Variants in GPBP1 observed in about 807,000 individuals in gnomAD.
GPBP1 encodes GC-rich promoter binding protein 1, also known as vasculin.
A neutral mutation model predicts 56.5 loss-of-function variants in GPBP1; 13 were observed. The observed-to-expected ratio is 0.23, with a 90% CI of 0.15 to 0.37. The LOEUF is 0.37. GPBP1 is among the 10% of genes least tolerant of loss of function. The pLI is 1.00. For synonymous variants in GPBP1, 204 were observed against 188.9 expected (o/e 1.08, Z -0.66); for missense variants, 477 against 572.3 (o/e 0.83, Z 1.70).
intron 2 of GPBP1, among the ~76,000 whole-genome samples, chr5:57,197,128 G>C (rs1359880535): frequency 6.6e-6 from 1 of 152,042 alleles, no homozygotes; most frequent in Non-Finnish European, 1.5e-5. Flanking sequence ...TGCCCAGGCT[G>C]ATCTTAAATT....
chr5:57,205,152 T>C (rs533326895), intron 2 of GPBP1, among the ~76,000 whole-genome samples: 6 of 152,326 alleles, frequency 3.9e-5, no homozygotes, highest in African/African-American at 1.4e-4. Context: ...TTGCTTTTTT[T>C]CTCTATGAAT....
intron 6 of GPBP1, among the ~76,000 whole-genome samples, chr5:57,239,544 G>T (rs1352285533): frequency 6.6e-6 from 1 of 151,646 alleles, no homozygotes; most frequent in Admixed American, 6.6e-5. Context: ...ACTCTGGGAG[G>T]CCAAGGTGGG....
intron 2 of GPBP1, among the ~76,000 whole-genome samples, chr5:57,186,984 C>T (rs1262500046): frequency 6.7e-6 from 1 of 149,112 alleles, no homozygotes; most frequent in Non-Finnish European, 1.5e-5. Context: ...TTATGTGTGT[C>T]TATTTCTGGA....
rs1755737123 is a variant in GPBP1 at position 57,217,276 on chromosome 5, C to T, written c.63+3083C>T. Among the ~76,000 whole-genome samples the T allele has an allele frequency of 1.1e-4, 17 of 152,018 alleles. 1 individual carries two copies. In the South Asian group the frequency reaches 3.5e-3, roughly 32 times the overall value. On this transcript the variant is annotated intron_variant, in intron 3 of 11. Coordinates refer to ENST00000506184, the MANE Select transcript of GPBP1 (RefSeq NM_022913.4). Reference sequence around the variant, plus strand: ...CCTCCAGCATGATCTAGTGTGTAAACATAAAACAACTACTGCCTGGGTGCG... The same window carrying T: ...CCTCCAGCATGATCTAGTGTGTAAATATAAAACAACTACTGCCTGGGTGCG...
chr5:57,246,837 A>G (rs1741112142), intron 7 of GPBP1, among the ~76,000 whole-genome samples: 1 of 152,222 alleles, frequency 6.6e-6, no homozygotes, highest in South Asian at 2.1e-4. Context: ...AAAGAAACCC[A>G]ACTTTATGTA....
intron 2 of GPBP1, among the ~76,000 whole-genome samples, chr5:57,188,574 A>T (rs1293043633): frequency 6.9e-6 from 1 of 145,592 alleles, no homozygotes; most frequent in East Asian, 2.0e-4. Flanking sequence ...GTCTCTACTT[A>T]AAAAAAAAAA....
chr5:57,252,242 C>T (rs931328774), intron 10 of GPBP1, among the ~76,000 whole-genome samples: 6 of 151,474 alleles, frequency 4.0e-5, no homozygotes, highest in African/African-American at 1.2e-4. Flanking sequence ...CACCACCATG[C>T]ACGGCTTCAG....
At chr5:57,260,344 G>T (rs1176685033) in intron 10 of GPBP1, among the ~76,000 whole-genome samples, 1 of 152,094 alleles carries the variant, frequency 6.6e-6, no homozygotes, top group Non-Finnish European at 1.5e-5. Context: ...TTATCTATTT[G>T]AAATTTCTTG....
intron 2 of GPBP1, among the ~76,000 whole-genome samples, chr5:57,205,855 C>G (rs976800997): frequency 6.6e-6 from 1 of 152,174 alleles, no homozygotes; most frequent in Non-Finnish European, 1.5e-5. Flanking sequence ...TACCCACCTC[C>G]TGGTCACAGG....
At chr5:57,205,866 C>A (rs1303425368) in intron 2 of GPBP1, among the ~76,000 whole-genome samples, 1 of 152,146 alleles carries the variant, frequency 6.6e-6, no homozygotes, top group African/African-American at 2.4e-5. Flanking sequence ...TGGTCACAGG[C>A]GATCCTCCCA....
intron 3 of GPBP1, among the ~76,000 whole-genome samples, chr5:57,230,380 T>C (rs1319757406): frequency 1.3e-5 from 2 of 152,238 alleles, no homozygotes; most frequent in Non-Finnish European, 2.9e-5. Context: ...TACATTCTTT[T>C]ATTTTGATAC....
At chr5:57,239,348 G>T (rs969648089) in intron 6 of GPBP1, among the ~76,000 whole-genome samples, 1 of 152,158 alleles carries the variant, frequency 6.6e-6, no homozygotes, top group Non-Finnish European at 1.5e-5. Context: ...TTCTTTATAT[G>T]AATAACGTTG....
intron 2 of GPBP1, among the ~76,000 whole-genome samples, chr5:57,183,718 A>C (rs1016202777): frequency 6.6e-6 from 1 of 151,642 alleles, no homozygotes; most frequent in Non-Finnish European, 1.5e-5. Flanking sequence ...TAAAATTAAC[A>C]TTTCAAGAGT....
intron 3 of GPBP1, chr5:57,221,420 G>A (rs1241684018): frequency 4.8e-6 from 7 of 1,451,696 alleles, no homozygotes. Context: ...AAAGAATATT[G>A]AACAGATATT....
intron 2 of GPBP1, among the ~76,000 whole-genome samples, chr5:57,178,138 T>G (rs1417894991): frequency 2.6e-5 from 4 of 152,198 alleles, no homozygotes; most frequent in Non-Finnish European, 5.9e-5. Context: ...CATTCCTCAA[T>G]TCAATGACTT....
intron 2 of GPBP1, among the ~76,000 whole-genome samples, chr5:57,178,367 C>T (rs1753891006): frequency 6.6e-6 from 1 of 152,138 alleles, no homozygotes; most frequent in South Asian, 2.1e-4. Context: ...GCCTCAGCCT[C>T]GCCAGTAGCT....
intron 3 of GPBP1, among the ~76,000 whole-genome samples, chr5:57,219,372 T>C (rs1227864594): frequency 3.5e-5 from 2 of 57,730 alleles, no homozygotes; most frequent in African/African-American, 8.5e-5. Context: ...CGAGACTCTG[T>C]CTCAAAAAAA....
At chr5:57,262,239 A>T (rs997133235) in intron 11 of GPBP1, among the ~76,000 whole-genome samples, 2 of 152,174 alleles carry the variant, frequency 1.3e-5, no homozygotes, top group African/African-American at 2.4e-5. Flanking sequence ...TATATACCTC[A>T]TTCTACTTTA....
chr5:57,178,622 CAG>C (rs1337392364), intron 2 of GPBP1, among the ~76,000 whole-genome samples: 2 of 152,196 alleles, frequency 1.3e-5, no homozygotes, highest in Non-Finnish European at 2.9e-5. Context: ...CTCCAGAGAT[CAG>C]AGTTTTTAGC....
Sources: gnomAD v4.1 joint callset for allele counts (sites outside exome capture counted in the v4.1 genomes callset) on GRCh38, gnomAD v4.1.1 for gene constraint, MANE v1.5 for transcripts, NCBI Gene and HGNC (gene_info 2026-07-23, HGNC 2026-07-21) for gene names.